The following PTPRN2 variants were observed in gnomAD, a reference collection of about 807,000 sequenced individuals.
PTPRN2 encodes receptor-type tyrosine-protein phosphatase N2.
A neutral mutation model predicts 118.8 loss-of-function variants in PTPRN2; 74 were observed. The ratio of observed to expected loss-of-function variants is 0.62; its 90% CI spans 0.52 to 0.76. The LOEUF is 0.76. PTPRN2 is among the 30% of genes least tolerant of loss of function. The pLI is 0.00. For synonymous variants in PTPRN2, 641 were observed against 608.0 expected, an observed-to-expected ratio of 1.05 and a Z score of -0.80; for missense variants, 1,481 against 1,394.4, an observed-to-expected ratio of 1.06 and a Z score of -0.99.
At chr7:158,165,035 G>T (rs970220849) in intron 6 of PTPRN2, among the ~76,000 whole-genome samples, 3 of 151,824 alleles carry the variant, frequency 2.0e-5, no homozygotes, top group African/African-American at 7.3e-5. Flanking sequence ...ACCCCCGATG[G>T]TGTCTAGTAC....
chr7:157,556,806 CTCA>C (rs1367169610), intron 21 of PTPRN2, among the ~76,000 whole-genome samples: 14 of 120,656 alleles, frequency 1.2e-4, no homozygotes, highest in Admixed American at 7.8e-4. Context: ...ACATCCCACA[CTCA>C]TGTCATACAT....
intron 1 of PTPRN2, among the ~76,000 whole-genome samples, chr7:158,560,611 T>C (rs983682393): frequency 6.6e-6 from 1 of 152,258 alleles, no homozygotes; most frequent in African/African-American, 2.4e-5. Flanking sequence ...TTCCTCACTG[T>C]GTCCCCAGGC....
At chr7:158,540,066 G>A (rs1370751887) in intron 1 of PTPRN2, among the ~76,000 whole-genome samples, 1 of 152,216 alleles carries the variant, frequency 6.6e-6, no homozygotes, top group Non-Finnish European at 1.5e-5. Flanking sequence ...GGGACAGGCT[G>A]GTGCTGTGTG....
intron 2 of PTPRN2, among the ~76,000 whole-genome samples, chr7:158,466,809 G>C (rs1001516201): frequency 6.6e-6 from 1 of 152,210 alleles, no homozygotes; most frequent in African/African-American, 2.4e-5. Flanking sequence ...GGGAGGCTGA[G>C]GCGGGTGGAT....
intron 3 of PTPRN2, among the ~76,000 whole-genome samples, chr7:158,296,915 C>T (rs558908230): frequency 2.0e-5 from 3 of 152,310 alleles, no homozygotes; most frequent in South Asian, 2.1e-4. Flanking sequence ...CAGGTGGACA[C>T]GCCCGGCACT....
In PTPRN2 at chr7:158,003,567, A is replaced by G; in HGVS notation, c.1723+77731T>C. On this transcript the variant is annotated intron_variant, in intron 11 of 22. Transcript: ENST00000389418. This position sits in a 1 kb window ranked among gnomAD's most constrained non-coding sequence, Gnocchi z 5.0. ...CGACGCAGCCACCGTGAGCCAGGGA[A>G]TGCGGCCCCAGGAACAAGCCCTGCC... 6.6e-6 allele frequency among the ~76,000 whole-genome samples: 1 copy of G among 152,144 alleles called. No homozygotes were observed. The highest frequency in any genetic ancestry group is 1.9e-4 in the East Asian group (1 of 5,174).
chr7:158,571,763 A>G, intron 1 of PTPRN2, among the ~76,000 whole-genome samples: 1 of 151,044 alleles, frequency 6.6e-6, no homozygotes, highest in Non-Finnish European at 1.5e-5. Context: ...CCAAAAAAAT[A>G]AAAACCAATT....
intron 2 of PTPRN2, among the ~76,000 whole-genome samples, chr7:158,328,946 T>G (rs1170490950): frequency 6.6e-6 from 1 of 151,274 alleles, no homozygotes; most frequent in Admixed American, 6.6e-5. Context: ...AGAGGCCAGC[T>G]TCCCTTGTGA....
rs554441641 is a variant in PTPRN2 at position 157,573,019 on chromosome 7, G to T, written c.2784-1526C>A. On this transcript the variant is annotated intron_variant, in intron 19 of 22. Coordinates refer to ENST00000389418, the MANE Select transcript of PTPRN2 (RefSeq NM_002847.5). ...ATGCCAGAGTGCCTTGAACATTCTT[G>T]GTCCCTGGAGAATAAAGAGGTTGGA... 2.6e-5 allele frequency among the ~76,000 whole-genome samples: 4 copies of T among 152,302 alleles called. No homozygotes were observed. In the South Asian group the frequency reaches 8.3e-4, roughly 32 times the overall value.
intron 12 of PTPRN2, chr7:157,856,062 C>G (rs140531779): frequency 1.3e-5 from 2 of 152,238 alleles, no homozygotes; most frequent in Non-Finnish European, 2.9e-5. Context: ...GTCTCCGTCC[C>G]GGTCCTGCTC....
At chr7:157,574,521 A>AGG (rs1324980632) in intron 19 of PTPRN2, 2 of 330,632 alleles carry the variant, frequency 6.0e-6, no homozygotes, top group Admixed American at 5.7e-5. Context: ...AATGAGAGAG[A>AGG]GAGAGAGAGA....
At chr7:157,682,340 C>T (rs1185933043) in intron 13 of PTPRN2, among the ~76,000 whole-genome samples, 6 of 152,126 alleles carry the variant, frequency 3.9e-5, no homozygotes, top group African/African-American at 7.2e-5. Context: ...CCGAGGAAGC[C>T]GATGATTTTT....
In PTPRN2 at chr7:158,263,112, A is replaced by G. The variant is rs1797631077; in HGVS notation, c.277+53707T>C. Among the ~76,000 whole-genome samples, 3 of 58,742 alleles carry G rather than the reference A, an allele frequency of 5.1e-5. 1 individual carries two copies. The highest frequency in any genetic ancestry group is 4.1e-4 in the Admixed American group (3 of 7,358). The allele number at this position is 58,742 out of a possible 152,430, so 38.5% of individuals were successfully genotyped here. On this transcript the variant is annotated intron_variant, in intron 3 of 22. Coordinates refer to ENST00000389418, the MANE Select transcript of PTPRN2 (RefSeq NM_002847.5). Reference sequence around the variant, plus strand: ...ACACATTCACACACTGCACACACACACTGCACACACATACACATATACACA... The same window carrying G: ...ACACATTCACACACTGCACACACACGCTGCACACACATACACATATACACA...
intron 8 of PTPRN2, 90 bp downstream of exon 8, chr7:158,136,565 T>C: frequency 7.4e-7 from 1 of 1,343,970 alleles, no homozygotes; most frequent in Non-Finnish European, 1.1e-6. Flanking sequence ...AAAAAAACTT[T>C]TGTATTTCAT....
chr7:158,492,113 C>T (rs1210393170), intron 1 of PTPRN2, among the ~76,000 whole-genome samples: 2 of 152,228 alleles, frequency 1.3e-5, no homozygotes, highest in Non-Finnish European at 2.9e-5. Context: ...GGGCCCCTCC[C>T]GCCCCAGGCA....
intron 3 of PTPRN2, among the ~76,000 whole-genome samples, chr7:158,282,266 G>A (rs113700816): frequency 1.3e-5 from 2 of 151,228 alleles, no homozygotes; most frequent in Non-Finnish European, 2.9e-5. Flanking sequence ...TTGAGTAACT[G>A]GTCTTTTCCG....
At chr7:158,274,509 C>T (rs1798829111) in intron 3 of PTPRN2, among the ~76,000 whole-genome samples, 1 of 141,510 alleles carries the variant, frequency 7.1e-6, no homozygotes, top group Non-Finnish European at 1.5e-5. Context: ...GGGGGAGCCA[C>T]AGGCACGGGG....
intron 21 of PTPRN2, among the ~76,000 whole-genome samples, chr7:157,555,892 C>T (rs1798851595): frequency 6.6e-6 from 1 of 152,182 alleles, no homozygotes. Context: ...GTTCCCGTGC[C>T]CCAGGAGCGC....
chr7:158,142,510 T>C (rs926579586), intron 6 of PTPRN2, among the ~76,000 whole-genome samples: 1 of 152,208 alleles, frequency 6.6e-6, no homozygotes, highest in Admixed American at 6.5e-5. Flanking sequence ...TAATGAAACC[T>C]GCCGTTTAAA....
Sources: allele counts gnomAD v4.1 joint callset (sites outside exome capture counted in the v4.1 genomes callset), GRCh38; gene constraint gnomAD v4.1.1; non-coding constraint Gnocchi (gnomAD v3.1); transcripts MANE v1.5; gene names NCBI Gene and HGNC (gene_info 2026-07-23, HGNC 2026-07-21).